The following PTPN12 variants were observed in gnomAD, a reference collection of about 807,000 sequenced individuals.
PTPN12 encodes the protein protein tyrosine phosphatase non-receptor type 12.
Under a neutral mutation model 97.6 loss-of-function variants are expected in PTPN12, and 29 were observed. The observed-to-expected ratio is 0.30, with a 90% CI of 0.22 to 0.41. PTPN12 has a LOEUF of 0.41. PTPN12 is among the 10% of genes least tolerant of loss of function. The pLI, the probability that PTPN12 is intolerant of heterozygous loss-of-function variation, is 1.00. For synonymous variants in PTPN12, 327 were observed against 300.4 expected, an observed-to-expected ratio of 1.09 and a Z score of -0.91; for missense variants, 819 against 926.0, an observed-to-expected ratio of 0.88 and a Z score of 1.50.
chr7:77,563,128 A>G (rs937690315), intron 1 of PTPN12, among the ~76,000 whole-genome samples: 1 of 152,198 alleles, frequency 6.6e-6, no homozygotes, highest in Non-Finnish European at 1.5e-5. Flanking sequence ...TTATCTAGCT[A>G]TATTGGAGAG....
At chr7:77,540,115 C>T (rs1806883200) in intron 1 of PTPN12, among the ~76,000 whole-genome samples, 2 of 152,094 alleles carry the variant, frequency 1.3e-5, no homozygotes, top group Non-Finnish European at 2.9e-5. Flanking sequence ...TTTGGTGATG[C>T]GGGCCATCAG....
intron 1 of PTPN12, among the ~76,000 whole-genome samples, chr7:77,542,029 C>G (rs1807001128): frequency 6.6e-6 from 1 of 152,156 alleles, no homozygotes; most frequent in Non-Finnish European, 1.5e-5. Flanking sequence ...CACACAGACT[C>G]CCTCTGATGG....
At chr7:77,615,841 G>A (rs1788732399) in intron 11 of PTPN12, among the ~76,000 whole-genome samples, 1 of 152,244 alleles carries the variant, frequency 6.6e-6, no homozygotes, top group Non-Finnish European at 1.5e-5. Context: ...AGATGTGGGT[G>A]TGTAGGAGAC....
In PTPN12 at chr7:77,592,266, C is replaced by T; in HGVS notation, c.492+10C>T. 6.3e-7 allele frequency: 1 copy of T among 1,599,912 alleles called. No homozygotes were observed. Among genetic ancestry groups the T allele is most frequent in the Non-Finnish European group, 8.5e-7 (1 of 1,173,284 alleles). On this transcript the variant is annotated intron_variant, in intron 6 of 17. Transcript: ENST00000248594. ...ATTTAAAATTTCTTGTGTAAGTATC[C>T]ATTTTTGTAAACACTTTTTTCAGAA...
At chr7:77,607,100 T>C (rs1263395804) in intron 8 of PTPN12, 135 bp from the exon 9 acceptor site, 1 of 624,728 alleles carries the variant, frequency 1.6e-6, no homozygotes, top group Non-Finnish European at 2.7e-6. Flanking sequence ...AGTTGTATTT[T>C]GTTTATTACT....
At chr7:77,558,210 C>CAAA (rs61149538) in intron 1 of PTPN12, among the ~76,000 whole-genome samples, 2 of 93,606 alleles carry the variant, frequency 2.1e-5, no homozygotes, top group African/African-American at 3.9e-5. Flanking sequence ...GACTCCATCT[C>CAAA]AAAAAAAAAA....
chr7:77,627,238 C>T lies in PTPN12; in HGVS notation c.1559C>T (p.Pro520Leu). 1 of 1,614,094 alleles carries T rather than the reference C, an allele frequency of 6.2e-7. No homozygotes were observed. Among genetic ancestry groups the T allele is most frequent in the Non-Finnish European group, 8.5e-7 (1 of 1,179,988 alleles). The change falls in exon 13 of 18, where the codon CCT (proline) becomes CTT (leucine). Residue 520 changes from proline (P) to leucine (L), a missense_variant. This residue lies in a region of PTPN12 where 607 missense variants were observed against 577.3 expected (regional missense o/e 1.05). Coordinates refer to ENST00000248594, the MANE Select transcript of PTPN12 (RefSeq NM_002835.4). ...GAAGAATCCCAGAATTCAGACACACCTCCAAGGCCAGACCGCTTGCCTCTT... is the reference window on the plus strand; with the variant it reads ...GAAGAATCCCAGAATTCAGACACACTTCCAAGGCCAGACCGCTTGCCTCTT... ...PPEESQNSDT[P>L]PRPDRLPLDE...
chr7:77,575,244 C>G (rs1225201829), intron 2 of PTPN12, among the ~76,000 whole-genome samples: 2 of 152,152 alleles, frequency 1.3e-5, no homozygotes, highest in Non-Finnish European at 2.9e-5. Context: ...AATCCCAGCA[C>G]TTTAGGAGGC....
chr7:77,537,775 G>C, intron 1 of PTPN12, 130 bp downstream of exon 1: 1 of 1,029,306 alleles, frequency 9.7e-7, no homozygotes, highest in Non-Finnish European at 1.3e-6. Flanking sequence ...CACCAGCCGG[G>C]TGAGCCGGGT....
intron 1 of PTPN12, among the ~76,000 whole-genome samples, chr7:77,540,509 G>A (rs1237805870): frequency 2.0e-5 from 3 of 151,854 alleles, no homozygotes; most frequent in Non-Finnish European, 4.4e-5. Context: ...CTCCCAAAGT[G>A]CTAGGATTAC....
At chr7:77,563,183 G>A (rs1808077853) in intron 1 of PTPN12, among the ~76,000 whole-genome samples, 1 of 152,150 alleles carries the variant, frequency 6.6e-6, no homozygotes, top group Non-Finnish European at 1.5e-5. Context: ...TTGAACCCCA[G>A]CTTCTCTGAC....
chr7:77,601,483 G>A (rs908473384), intron 8 of PTPN12, among the ~76,000 whole-genome samples: 3 of 152,194 alleles, frequency 2.0e-5, no homozygotes, highest in East Asian at 1.9e-4. Context: ...GCTTACAGGC[G>A]TGAGCCACTA....
chr7:77,574,131 G>A (rs1787257269), intron 2 of PTPN12, among the ~76,000 whole-genome samples: 1 of 152,212 alleles, frequency 6.6e-6, no homozygotes, highest in South Asian at 2.1e-4. Context: ...CAAGGTGATG[G>A]ACGATACATA....
chr7:77,638,501 T>A (rs1485692840), intron 16 of PTPN12, 123 bp from the exon 17 acceptor site: 2 of 1,290,050 alleles, frequency 1.6e-6, no homozygotes, highest in Non-Finnish European at 2.0e-6. Flanking sequence ...CCTGTAAAAT[T>A]ATGGTGCCCA....
rs368028431 is a variant in PTPN12, at chr7:77,627,163, G to C, written c.1484G>C (p.Cys495Ser). 4 of 1,614,014 alleles carry C rather than the reference G, an allele frequency of 2.5e-6. No homozygotes were observed. The African/African-American group carries it at 5.3e-5, about 22-fold the overall frequency. Residue 495 changes from cysteine (C) to serine (S), a missense_variant, in exon 13 of 18, where the codon TGT (cysteine) becomes TCT (serine). Coordinates refer to ENST00000248594, the MANE Select transcript of PTPN12 (RefSeq NM_002835.4). ...GTCGGTGATACTTCCCAGAATTCTTGTGTGGACTGCAGTGTAACACAATCA... is the reference window on the plus strand; with the variant it reads ...GTCGGTGATACTTCCCAGAATTCTTCTGTGGACTGCAGTGTAACACAATCA... ...LNVGDTSQNS[C>S]VDCSVTQSNK...
intron 4 of PTPN12, chr7:77,585,083 C>T (rs1211117841): frequency 1.3e-5 from 2 of 152,286 alleles, no homozygotes; most frequent in Non-Finnish European, 2.9e-5. Context: ...CTGTAAAATT[C>T]TCAACTATGC....
chr7:77,621,374 A>T (rs1388953055), intron 12 of PTPN12, among the ~76,000 whole-genome samples: 2 of 151,924 alleles, frequency 1.3e-5, no homozygotes, highest in Non-Finnish European at 2.9e-5. Context: ...ATACACTCAA[A>T]ATTAACAACA....
At chr7:77,542,276 G>A (rs1426154605) in intron 1 of PTPN12, among the ~76,000 whole-genome samples, 1 of 152,122 alleles carries the variant, frequency 6.6e-6, no homozygotes, top group African/African-American at 2.4e-5. Flanking sequence ...AGACATGCTG[G>A]TCCACTCCAG....
intron 16 of PTPN12, among the ~76,000 whole-genome samples, chr7:77,637,604 C>A (rs549262376): frequency 7.5e-4 from 114 of 152,114 alleles, no homozygotes; most frequent in Middle Eastern, 3.4e-3. Context: ...CACCTATAAT[C>A]CCAGCACTTT....
Sources: gnomAD v4.1 joint callset for allele counts (sites outside exome capture counted in the v4.1 genomes callset) on GRCh38, gnomAD v4.1.1 for gene constraint, gnomAD v4.1.1 regional missense constraint, MANE v1.5 for transcripts, NCBI Gene and HGNC (gene_info 2026-07-23, HGNC 2026-07-21) for gene names.